GRIN2A: variants seen among roughly 807,000 people sequenced by gnomAD.
GRIN2A encodes the protein glutamate receptor ionotropic, NMDA 2A.
GRIN2A carries 22 observed loss-of-function variants against 113.4 expected under a neutral mutation model. The observed-to-expected ratio is 0.19, with a 90% CI of 0.14 to 0.28. The LOEUF (loss-of-function observed/expected upper bound fraction) is 0.28, where lower values mean the gene tolerates loss of function less well. Ranked by LOEUF, GRIN2A falls within the 10% of genes least tolerant of loss-of-function variation. The pLI is 1.00. For missense variants in GRIN2A, 1,502 were observed against 1,887.0 expected (o/e 0.80, Z 3.78); for synonymous variants, 827 against 738.4 (o/e 1.12, Z -1.94).
At chr16:9,947,527 A>C (rs550372259) in intron 2 of GRIN2A, among the ~76,000 whole-genome samples, 2 of 152,366 alleles carry the variant, frequency 1.3e-5, no homozygotes, top group African/African-American at 4.8e-5. Flanking sequence ...TGCTAGGGGC[A>C]GGCCCTGGTG....
At chr16:10,024,904 A>C (rs1022497659) in intron 2 of GRIN2A, among the ~76,000 whole-genome samples, 2 of 152,238 alleles carry the variant, frequency 1.3e-5, no homozygotes, top group Admixed American at 6.5e-5. Context: ...TAAAATAAGC[A>C]CTAAATTCAA....
intron 2 of GRIN2A, among the ~76,000 whole-genome samples, chr16:9,940,095 A>G (rs2044834885): frequency 6.7e-6 from 1 of 149,732 alleles, no homozygotes; most frequent in Non-Finnish European, 1.5e-5. Context: ...TGAAAGGTGG[A>G]TGTTCCATTC....
chr16:9,833,853 G>T (rs2042540976), intron 8 of GRIN2A, among the ~76,000 whole-genome samples: 1 of 152,100 alleles, frequency 6.6e-6, no homozygotes, highest in Non-Finnish European at 1.5e-5. Context: ...ATGAGTAGCT[G>T]GTATTACAGG....
chr16:9,922,447 C>T (rs942474642), intron 3 of GRIN2A, among the ~76,000 whole-genome samples: 8 of 152,280 alleles, frequency 5.3e-5, no homozygotes, highest in East Asian at 1.9e-4. Flanking sequence ...CATAAAAACT[C>T]GGATGAAGGC....
rs1900589338 is a variant in GRIN2A, at chr16:9,761,693, T to A, written c.*1456A>T. ...TGCTAACAGGCTCCCCATGCATAAG[T>A]ATTCCCCTCTCTGTCTCTAACTTAA... On this transcript the variant is annotated 3_prime_UTR_variant, in exon 13 of 13. Coordinates refer to ENST00000330684, the MANE Select transcript of GRIN2A (RefSeq NM_001134407.3). 4.4e-6 allele frequency: 1 copy of A among 226,238 alleles called. No homozygotes were observed. 14.0% of individuals were successfully genotyped at this position (226,238 alleles called of 1,614,324 possible).
chr16:9,808,964 G>A (rs970266318), intron 10 of GRIN2A, among the ~76,000 whole-genome samples: 2 of 151,832 alleles, frequency 1.3e-5, no homozygotes, highest in Non-Finnish European at 2.9e-5. Context: ...TCTGATGCAT[G>A]CATATCATGG....
At chr16:9,908,018 G>A (rs2044061687) in intron 3 of GRIN2A, among the ~76,000 whole-genome samples, 1 of 152,208 alleles carries the variant, frequency 6.6e-6, no homozygotes, top group Non-Finnish European at 1.5e-5. Context: ...CGGAGCTGGA[G>A]TCCTGAGCAG....
intron 2 of GRIN2A, among the ~76,000 whole-genome samples, chr16:10,121,776 C>G (rs2048839604): frequency 6.6e-6 from 1 of 152,046 alleles, no homozygotes; most frequent in East Asian, 1.9e-4. Flanking sequence ...TGTAGAGAAA[C>G]CTGTTCTCCC....
intron 2 of GRIN2A, among the ~76,000 whole-genome samples, chr16:9,960,283 T>A (rs563975148): frequency 6.6e-6 from 1 of 152,248 alleles, no homozygotes; most frequent in African/African-American, 2.4e-5. Context: ...AAAAGTTGGA[T>A]ATAATTTTGC....
chr16:9,968,990 T>C (rs1303057516), intron 2 of GRIN2A, among the ~76,000 whole-genome samples: 4 of 152,222 alleles, frequency 2.6e-5, no homozygotes, highest in African/African-American at 7.2e-5. Flanking sequence ...TATATTATCA[T>C]TTTAATGTGC....
intron 12 of GRIN2A, among the ~76,000 whole-genome samples, chr16:9,768,394 G>T (rs938188273): frequency 2.0e-5 from 3 of 152,180 alleles, no homozygotes; most frequent in African/African-American, 7.2e-5. Flanking sequence ...TTTAAAAATG[G>T]AAAGGTTTCT....
At chr16:9,827,958 G>C (rs539957069) in intron 9 of GRIN2A, among the ~76,000 whole-genome samples, 5 of 152,174 alleles carry the variant, frequency 3.3e-5, no homozygotes, top group African/African-American at 1.2e-4. Context: ...TTTCTTCCTT[G>C]ATGTTTACTT....
intron 2 of GRIN2A, among the ~76,000 whole-genome samples, chr16:9,971,229 C>G (rs936276565): frequency 1.3e-5 from 2 of 152,186 alleles, no homozygotes; most frequent in Non-Finnish European, 2.9e-5. Flanking sequence ...ATAGAAAAGC[C>G]TAATTTTCAG....
At chr16:10,094,624 A>G (rs2048249826) in intron 2 of GRIN2A, among the ~76,000 whole-genome samples, 1 of 151,892 alleles carries the variant, frequency 6.6e-6, no homozygotes, top group Non-Finnish European at 1.5e-5. Flanking sequence ...TGATTTTTGT[A>G]TTTTTAGTAG....
At position 9,763,398 on chromosome 16, in the gene GRIN2A, G is replaced by A. The variant is rs1555482036; in HGVS notation, c.4146C>T (p.Cys1382=). The change falls in exon 13 of 13, where the codon TGC becomes TGT. Residue 1382 remains cysteine, a synonymous_variant. Coordinates refer to ENST00000330684, the MANE Select transcript of GRIN2A (RefSeq NM_001134407.3). The part of the protein sequence containing the change: ...RDDQRLVIGR[C]PSDPYKHSLP... Reference sequence around the variant, plus strand: ...ACGAGTGTTTGTAAGGGTCCGAGGGGCATCTCCCAATAACCAAGCGTTGGT... The same window carrying A: ...ACGAGTGTTTGTAAGGGTCCGAGGGACATCTCCCAATAACCAAGCGTTGGT... 3 of 1,614,108 alleles carry A rather than the reference G, an allele frequency of 1.9e-6. No homozygotes were observed. The highest frequency in any genetic ancestry group is 2.5e-6 in the Non-Finnish European group (3 of 1,179,996).
chr16:9,853,998 T>C (rs577687151), intron 4 of GRIN2A, among the ~76,000 whole-genome samples: 1 of 152,300 alleles, frequency 6.6e-6, no homozygotes, highest in East Asian at 1.9e-4. Flanking sequence ...GTATATGTTT[T>C]ACTTATGAGA....
intron 2 of GRIN2A, among the ~76,000 whole-genome samples, chr16:10,074,830 T>C (rs533958847): frequency 3.3e-5 from 5 of 152,220 alleles, no homozygotes; most frequent in African/African-American, 9.6e-5. Flanking sequence ...ATATAGTCAA[T>C]ATACTAAAAA....
chr16:10,054,324 A>T (rs1349083), intron 2 of GRIN2A, among the ~76,000 whole-genome samples: 61,667 of 152,102 alleles, frequency 0.41, 13,510 homozygotes, highest in East Asian at 0.87. Flanking sequence ...AATAAGATAA[A>T]TGCAAATTGA....
rs940623901 is a variant in GRIN2A, at chr16:9,756,827, C to T, written c.*6322G>A. On this transcript the variant is annotated 3_prime_UTR_variant, in exon 13 of 13. Transcript: ENST00000330684. ...AATGGGATAGACAGAGTGACAAAAG[C>T]TCCCTCTCCACCTCGCCATCCTTCC... 1.1e-5 allele frequency: 2 copies of T among 183,102 alleles called. No homozygotes were observed. Among genetic ancestry groups the T allele is most frequent in the African/African-American group, 4.7e-5 (2 of 42,546 alleles). The allele number at this position is 183,102 out of a possible 1,614,324, so 11.3% of individuals were successfully genotyped here. A position where few individuals can be genotyped will look rare whatever the true frequency, so the allele number is the denominator to read the frequency against.
Sources: allele counts gnomAD v4.1 joint callset (sites outside exome capture counted in the v4.1 genomes callset), GRCh38; gene constraint gnomAD v4.1.1; transcripts MANE v1.5; gene names NCBI Gene and HGNC (gene_info 2026-07-23, HGNC 2026-07-21).